Variants in RAD50 observed in about 807,000 individuals in gnomAD.
RAD50 encodes RAD50 double strand break repair protein.
In RAD50, 132 loss-of-function variants were observed where a neutral mutation model predicts 168.8. The ratio of observed to expected loss-of-function variants is 0.78; its 90% confidence interval spans 0.68 to 0.90. The LOEUF (loss-of-function observed/expected upper bound fraction) is 0.90, where lower values mean the gene tolerates loss of function less well. RAD50 is among the 40% of genes least tolerant of loss of function. RAD50 has a pLI of 0.00. For synonymous variants in RAD50, 525 were observed against 497.4 expected (o/e 1.06, Z -0.74); for missense variants, 1,347 against 1,534.4 (o/e 0.88, Z 2.04).
rs2149865834 is a variant in RAD50 at position 132,640,787 on chromosome 5, T to C, written c.3734T>C (p.Leu1245Pro). Residue 1245 changes from leucine to proline, a missense_variant, in exon 24 of 25, where the codon CTT becomes CCT. Around this residue, in one of 3 missense-constraint regions of RAD50, gnomAD observed 635 missense variants for 739.2 expected, o/e 0.86. Transcript: ENST00000378823. ...TNLDRENIES[L>P]AHALVEIIKS... ...CTTGACCGAGAAAACATTGAATCTC[T>C]TGCACATGCTCTGGTTGAGTAAGTA... 1 of 1,613,116 alleles carries C rather than the reference T, an allele frequency of 6.2e-7. No homozygotes were observed. The highest frequency in any genetic ancestry group is 1.1e-5 in the South Asian group (1 of 91,032).
At chr5:132,620,455 T>G (rs571088365) in intron 21 of RAD50, among the ~76,000 whole-genome samples, 23 of 152,330 alleles carry the variant, frequency 1.5e-4, no homozygotes, top group African/African-American at 5.3e-4. Context: ...GCCATTTCTC[T>G]CACCATCTTA....
At chr5:132,589,947 G>C in intron 9 of RAD50, 110 bp downstream of exon 9, 2 of 1,025,178 alleles carry the variant, frequency 2.0e-6, no homozygotes, top group Non-Finnish European at 2.9e-6. Flanking sequence ...CATCAACTTT[G>C]TCTTATTCTC....
At chr5:132,603,213 C>A in intron 13 of RAD50, 87 bp from the exon 14 acceptor site, 3 of 1,205,748 alleles carry the variant, frequency 2.5e-6, no homozygotes, top group Admixed American at 4.3e-5. Flanking sequence ...AATGTCACTT[C>A]TGTGGTATTC....
intron 23 of RAD50, among the ~76,000 whole-genome samples, chr5:132,639,301 C>G (rs951183366): frequency 2.1e-5 from 3 of 142,854 alleles, no homozygotes; most frequent in Admixed American, 7.3e-5. Context: ...TGCAGTGAGC[C>G]GAGATCGTGC....
chr5:132,601,997 G>A (rs1319104467), intron 13 of RAD50, among the ~76,000 whole-genome samples: 3 of 152,124 alleles, frequency 2.0e-5, no homozygotes, highest in African/African-American at 7.2e-5. Context: ...GGGGCTAGGG[G>A]AGGGATAGCA....
chr5:132,632,274 C>T (rs185619585), intron 21 of RAD50, among the ~76,000 whole-genome samples: 4 of 152,182 alleles, frequency 2.6e-5, no homozygotes, highest in Admixed American at 2.6e-4. Context: ...TTTGGGCTTC[C>T]CCACGCTCCA....
rs79229143 is a variant in RAD50 at position 132,643,725 on chromosome 5, T to TGGGGGGGGGGGGGGGGGGGGGGGGGG, written c.*1370_*1371insGGGGGGGGGGGGGGGGGGGGGGGGGG. ...GAGTATCCTGGGGGTGGTGGTGGGG[T>TGGGGGGGGGGGGGGGGGGGGGGGGGG]GGGGGGGGGTCCTAAATGTAATCAC... On this transcript the variant is annotated 3_prime_UTR_variant, in exon 25 of 25. Coordinates refer to ENST00000378823, the MANE Select transcript of RAD50 (RefSeq NM_005732.4). 1.0e-5 allele frequency: 1 copy of TGGGGGGGGGGGGGGGGGGGGGGGGGG among 99,384 alleles called. No individual in the cohort carries two copies. Among genetic ancestry groups the TGGGGGGGGGGGGGGGGGGGGGGGGGG allele is most frequent in the Non-Finnish European group, 1.9e-5 (1 of 51,874 alleles). 6.2% of individuals were successfully genotyped at this position (99,384 alleles called of 1,614,324 possible).
chr5:132,582,113 C>T (rs895332024), intron 5 of RAD50, among the ~76,000 whole-genome samples: 1 of 152,096 alleles, frequency 6.6e-6, no homozygotes, highest in Non-Finnish European at 1.5e-5. Flanking sequence ...CAGTAAAATC[C>T]AAGCTGTCTT....
chr5:132,603,901 A>C lies in RAD50; in HGVS notation c.2398-19A>C. The C allele has an allele frequency of 6.4e-7, 1 of 1,568,946 alleles. No individual in the cohort carries two copies. Among genetic ancestry groups the C allele is most frequent in the East Asian group, 2.3e-5 (1 of 44,274 alleles). ...TGCAGTAAGTTTATTAAAGGAAATC[A>C]TTTTGTTATATTCTTAAGATGGAAC... On this transcript the variant is annotated intron_variant, in intron 14 of 24. Coordinates refer to ENST00000378823, the MANE Select transcript of RAD50 (RefSeq NM_005732.4).
intron 5 of RAD50, among the ~76,000 whole-genome samples, chr5:132,587,163 C>T (rs879877945): frequency 1.3e-4 from 20 of 152,146 alleles, no homozygotes; most frequent in African/African-American, 3.4e-4. Flanking sequence ...TGCCTATAGG[C>T]TCAGAATGCA....
At chr5:132,614,745 G>A (rs1275231292) in intron 19 of RAD50, among the ~76,000 whole-genome samples, 3 of 149,980 alleles carry the variant, frequency 2.0e-5, no homozygotes, top group Admixed American at 6.7e-5. Context: ...AGTTGAATCC[G>A]TAGATGTGGA....
At chr5:132,580,115 A>G (rs1405522270) in intron 5 of RAD50, 49 bp downstream of exon 5, 11 of 1,444,042 alleles carry the variant, frequency 7.6e-6, no homozygotes, top group Non-Finnish European at 1.1e-5. Context: ...TCTTTATGGT[A>G]TACAGCATGA....
chr5:132,605,502 G>A (rs571716025), intron 16 of RAD50, among the ~76,000 whole-genome samples: 226 of 152,112 alleles, frequency 1.5e-3, no homozygotes, highest in African/African-American at 5.4e-3. Context: ...ACACCACCAC[G>A]CCTGGCTAAT....
At chr5:132,595,102 A>G (rs1207369715) in intron 12 of RAD50, 58 bp downstream of exon 12, 1 of 1,526,654 alleles carries the variant, frequency 6.6e-7, no homozygotes, top group South Asian at 1.1e-5. Flanking sequence ...TTTCATTCAC[A>G]GGTAACTGTT....
rs757412385 is a variant in RAD50 at position 132,588,670 on chromosome 5, GA to G, written c.1052-16del. ...GCACCAGTTGAAAAAAAAATTATGA[GA>G]TTTTTTTTTTAAAAGGTCGTCTACA... On this transcript the variant is annotated splice_polypyrimidine_tract_variant and intron_variant, in intron 7 of 24. Coordinates refer to ENST00000378823, the MANE Select transcript of RAD50 (RefSeq NM_005732.4). 16 of 1,604,318 alleles carry G rather than the reference GA, an allele frequency of 1.0e-5. No homozygotes were observed. Among genetic ancestry groups the G allele is most frequent in the Admixed American group, 6.8e-5 (4 of 58,720 alleles).
At chr5:132,583,020 G>C (rs113261439) in intron 5 of RAD50, among the ~76,000 whole-genome samples, 6 of 152,306 alleles carry the variant, frequency 3.9e-5, no homozygotes, top group African/African-American at 1.4e-4. Flanking sequence ...CCAAGAGGCA[G>C]TGAAAACACT....
Position 132,608,672 on chromosome 5 carries a change from AAAG to A in RAD50, c.2782_2784del (p.Glu928del). The A allele has an allele frequency of 1.2e-6, 2 of 1,601,226 alleles. No individual in the cohort carries two copies. The highest frequency in any genetic ancestry group is 1.7e-6 in the Non-Finnish European group (2 of 1,173,824). Reference sequence around the variant, plus strand: ...AACATTGGAAAAGTTCCAGCAAGAAAAAGAAGAATTAATCAACAAAAAAAATAC... The same window carrying A: ...AACATTGGAAAAGTTCCAGCAAGAAAAAGAATTAATCAACAAAAAAAATAC... On this transcript the variant is annotated inframe_deletion, in exon 17 of 25. Coordinates refer to ENST00000378823, the MANE Select transcript of RAD50 (RefSeq NM_005732.4).
At chr5:132,633,179 C>A (rs1413031698) in intron 21 of RAD50, among the ~76,000 whole-genome samples, 2 of 138,178 alleles carry the variant, frequency 1.4e-5, no homozygotes, top group South Asian at 2.4e-4. Context: ...CAGCTTACTT[C>A]CTTCCGCCTC....
At chr5:132,557,931 G>A (rs1750036873) in intron 1 of RAD50, among the ~76,000 whole-genome samples, 1 of 151,726 alleles carries the variant, frequency 6.6e-6, no homozygotes, top group Non-Finnish European at 1.5e-5. Context: ...AAATGTAACT[G>A]ATGTAGTGGG....
Sources: allele counts gnomAD v4.1 joint callset (sites outside exome capture counted in the v4.1 genomes callset), GRCh38; gene constraint gnomAD v4.1.1; regional missense constraint gnomAD v4.1.1; transcripts MANE v1.5; gene names NCBI Gene and HGNC (gene_info 2026-07-23, HGNC 2026-07-21).